FLVCR2: variants seen among roughly 807,000 people sequenced by gnomAD.
The protein encoded by FLVCR2 is choline/ethanolamine transporter FLVCR2.
Under a neutral mutation model 48.9 loss-of-function variants are expected in FLVCR2, and 38 were observed. The ratio of observed to expected loss-of-function variants is 0.78; its 90% confidence interval spans 0.60 to 1.02. The LOEUF is 1.02. Ranked by LOEUF, FLVCR2 falls within the 50% of genes least tolerant of loss-of-function variation. The pLI, the probability that FLVCR2 is intolerant of heterozygous loss-of-function variation, is 0.00. For synonymous variants in FLVCR2, 255 were observed against 257.0 expected (o/e 0.99, Z 0.07); for missense variants, 664 against 663.3 (o/e 1.00, Z -0.01).
At chr14:75,583,031 C>T (rs1049848027) in intron 1 of FLVCR2, among the ~76,000 whole-genome samples, 1 of 152,170 alleles carries the variant, frequency 6.6e-6, no homozygotes, top group Non-Finnish European at 1.5e-5. Context: ...TCCTTGAAGC[C>T]TTGTGGCAGT....
intron 1 of FLVCR2, among the ~76,000 whole-genome samples, chr14:75,582,682 G>C (rs1279595753): frequency 6.6e-6 from 1 of 152,170 alleles, no homozygotes; most frequent in Middle Eastern, 3.2e-3. Context: ...AAAAGGGTTG[G>C]GATGAGTTAG....
At chr14:75,599,335 C>CCA (rs1555375618) in intron 1 of FLVCR2, among the ~76,000 whole-genome samples, 2 of 150,812 alleles carry the variant, frequency 1.3e-5, no homozygotes, top group African/African-American at 4.9e-5. Context: ...CACCCCCCCC[C>CCA]AAAAAATTAA....
At chr14:75,641,419 G>T in intron 8 of FLVCR2, 126 bp downstream of exon 8, 2 of 723,212 alleles carry the variant, frequency 2.8e-6, no homozygotes, top group Admixed American at 2.0e-5. Context: ...TGGGGAATCT[G>T]TTGGGAGGCA....
At chr14:75,622,286 G>T in intron 2 of FLVCR2, 66 bp downstream of exon 2, 2 of 1,470,696 alleles carry the variant, frequency 1.4e-6, no homozygotes, top group South Asian at 1.1e-5. Flanking sequence ...TGCTGACTTT[G>T]ATGGGACCCT....
At chr14:75,603,716 C>A (rs964030106) in intron 1 of FLVCR2, among the ~76,000 whole-genome samples, 1 of 152,128 alleles carries the variant, frequency 6.6e-6, no homozygotes, top group Non-Finnish European at 1.5e-5. Flanking sequence ...CACAGATACT[C>A]CCCCCTTAGA....
In FLVCR2 at chr14:75,622,092, T is replaced by C. The variant is rs201694155; in HGVS notation, c.683T>C (p.Ile228Thr). The C allele has an allele frequency of 2.0e-4, 328 of 1,614,026 alleles. No homozygotes were observed. Among genetic ancestry groups the C allele is most frequent in the Non-Finnish European group, 2.5e-4 (299 of 1,180,032 alleles). The change falls in exon 2 of 10, where the codon ATT (isoleucine) becomes ACT (threonine). Residue 228 changes from isoleucine (I) to threonine (T), a missense_variant. Transcript: ENST00000238667. ...AVFGNQLGIA[I>T]GFLVPPVLVP... ...TGTCTTCTATAGCTTGGAATTGCGA[T>C]TGGGTTCTTGGTCCCTCCTGTTTTG...
In FLVCR2 at chr14:75,622,142, G is replaced by A. The variant is rs778286255; in HGVS notation, c.733G>A (p.Glu245Lys). Residue 245 changes from glutamate (E) to lysine (K), a missense_variant, in exon 2 of 10, where the codon GAG becomes AAG. By Grantham distance (56) the Glu-to-Lys change is moderately conservative (BLOSUM62 1). Transcript: ENST00000238667. Reference protein sequence around the residue: ...VLVPNIEDRDELAYHISIMFY... With the variant: ...VLVPNIEDRDKLAYHISIMFY... Reference sequence around the variant, plus strand: ...GGTACCCAACATTGAAGACCGGGACGAGCTTGCCTACCACATCAGCATCAT... The same window carrying A: ...GGTACCCAACATTGAAGACCGGGACAAGCTTGCCTACCACATCAGCATCAT... 18 of 1,613,862 alleles carry A rather than the reference G, an allele frequency of 1.1e-5. No individual in the cohort carries two copies. Among genetic ancestry groups the A allele is most frequent in the African/African-American group, 4.0e-5 (3 of 74,888 alleles).
intron 6 of FLVCR2, among the ~76,000 whole-genome samples, chr14:75,640,258 CAA>C (rs11453901): frequency 1.4e-4 from 14 of 97,620 alleles, no homozygotes; most frequent in Middle Eastern, 5.7e-3. Flanking sequence ...GACTCCGTCT[CAA>C]AAAAAAAAAA....
rs776998989 is a variant in FLVCR2 at position 75,639,443 on chromosome 14, A to T, written c.1216A>T (p.Ile406Phe). ...CCTGGGACACCTGTGGGTAGTGTTC[A>T]TCACTGCTGGCACAATGGGGTAAGT... ...LNLGHLWVVFITAGTMGFFMT... is the reference protein window; with the variant it reads ...LNLGHLWVVFFTAGTMGFFMT... Residue 406 changes from isoleucine to phenylalanine, a missense_variant, in exon 6 of 10, where the codon ATC becomes TTC. By Grantham distance (21) the Ile-to-Phe change is conservative (BLOSUM62 0). Transcript: ENST00000238667. 6.2e-7 allele frequency: 1 copy of T among 1,612,254 alleles called. No homozygotes were observed. The highest frequency in any genetic ancestry group is 1.7e-5 in the Admixed American group (1 of 60,012).
At chr14:75,631,326 A>C (rs909122672) in intron 3 of FLVCR2, among the ~76,000 whole-genome samples, 1 of 152,212 alleles carries the variant, frequency 6.6e-6, no homozygotes, top group Admixed American at 6.5e-5. Context: ...GCTTATTCAA[A>C]TGCAAATTGC....
intron 5 of FLVCR2, among the ~76,000 whole-genome samples, chr14:75,636,062 T>G (rs1314074047): frequency 1.3e-5 from 2 of 152,146 alleles, no homozygotes; most frequent in East Asian, 3.9e-4. Flanking sequence ...CTTGTGATTT[T>G]CCAGTGCTCC....
chr14:75,641,828 A>G lies in FLVCR2; in HGVS notation c.1454-15A>G. On this transcript the variant is annotated splice_polypyrimidine_tract_variant and intron_variant, in intron 8 of 9. Transcript: ENST00000238667. ...GTATTTTTGTCTCTCTTCCTTCTCA[A>G]TCTATCAACCTTAGCATTCATTAAG... is the stretch of plus-strand genomic sequence containing the variant. 6.2e-7 allele frequency: 1 copy of G among 1,612,144 alleles called. No homozygotes were observed. The highest frequency in any genetic ancestry group is 8.5e-7 in the Non-Finnish European group (1 of 1,178,194).
intron 1 of FLVCR2, among the ~76,000 whole-genome samples, chr14:75,593,857 C>T (rs544297726): frequency 5.3e-5 from 8 of 152,204 alleles, no homozygotes; most frequent in African/African-American, 7.2e-5. Flanking sequence ...TTTTCTCCTA[C>T]GGACACTTTT....
intron 1 of FLVCR2, among the ~76,000 whole-genome samples, chr14:75,595,336 T>C (rs1239632281): frequency 6.6e-6 from 1 of 152,226 alleles, no homozygotes; most frequent in Admixed American, 6.5e-5. Context: ...AGAACAATGA[T>C]AGTATTTCAG....
At chr14:75,632,032 G>T (rs142269730) in intron 3 of FLVCR2, among the ~76,000 whole-genome samples, 2 of 152,204 alleles carry the variant, frequency 1.3e-5, no homozygotes, top group Non-Finnish European at 2.9e-5. Context: ...GCCCAACCTT[G>T]TAGCATCCCT....
rs267606822 is a variant in FLVCR2, at chr14:75,639,419, C to G, written c.1192C>G (p.Leu398Val). The G allele has an allele frequency of 2.5e-6, 4 of 1,613,826 alleles. No homozygotes were observed. The highest frequency in any genetic ancestry group is 3.4e-6 in the Non-Finnish European group (4 of 1,179,828). ...GMVVYTFTLN[L>V]GHLWVVFITA... ...GGTGGTGTACACGTTTACCTTGAAC[C>G]TGGGACACCTGTGGGTAGTGTTCAT... Residue 398 changes from leucine (L) to valine (V), a missense_variant, in exon 6 of 10, where the codon CTG becomes GTG. Coordinates refer to ENST00000238667, the MANE Select transcript of FLVCR2 (RefSeq NM_017791.3).
chr14:75,578,986 G>T lies in FLVCR2; in HGVS notation c.14G>T (p.Gly5Val). The change falls in exon 1 of 10, where the codon GGT becomes GTT. Residue 5 changes from glycine (G) to valine (V), a missense_variant. By Grantham distance (109) the Gly-to-Val change is moderately radical. Coordinates refer to ENST00000238667, the MANE Select transcript of FLVCR2 (RefSeq NM_017791.3). Reference protein sequence around the residue: MVNEGPNQEESDDTP... With the variant: MVNEVPNQEESDDTP... ...GAGACTGTGGCGATGGTGAATGAAG[G>T]TCCCAACCAGGAAGAGAGCGATGAC... is the stretch of plus-strand genomic sequence containing the variant. 1 of 1,614,108 alleles carries T rather than the reference G, an allele frequency of 6.2e-7. No homozygotes were observed. Among genetic ancestry groups the T allele is most frequent in the Non-Finnish European group, 8.5e-7 (1 of 1,179,984 alleles).
In FLVCR2 at chr14:75,647,372, G is replaced by C. The variant is rs935078524; in HGVS notation, c.*900G>C. Reference sequence around the variant, plus strand: ...GCCCAAGTGCTTGTTTTATTCCAAGGCAGGGTAATCCCCGTCAACTTACTC... The same window carrying C: ...GCCCAAGTGCTTGTTTTATTCCAAGCCAGGGTAATCCCCGTCAACTTACTC... On this transcript the variant is annotated 3_prime_UTR_variant, in exon 10 of 10. Coordinates refer to ENST00000238667, the MANE Select transcript of FLVCR2 (RefSeq NM_017791.3). 3 of 152,182 alleles carry C rather than the reference G, an allele frequency of 2.0e-5. No homozygotes were observed. The highest frequency in any genetic ancestry group is 2.1e-4 in the South Asian group (1 of 4,832). The allele number at this position is 152,182 out of a possible 1,614,324, so 9.4% of individuals were successfully genotyped here.
At chr14:75,627,654 G>C (rs894212862) in intron 3 of FLVCR2, among the ~76,000 whole-genome samples, 12 of 152,320 alleles carry the variant, frequency 7.9e-5, no homozygotes, top group Middle Eastern at 3.4e-3. Context: ...AGGACATGTT[G>C]CTATTTAACC....
Sources: allele counts gnomAD v4.1 joint callset (sites outside exome capture counted in the v4.1 genomes callset), GRCh38; gene constraint gnomAD v4.1.1; transcripts MANE v1.5; gene names NCBI Gene and HGNC (gene_info 2026-07-23, HGNC 2026-07-21).